Variants in HOOK2 observed in about 807,000 individuals in gnomAD.
HOOK2 encodes the protein protein Hook homolog 2.
A neutral mutation model predicts 111.9 loss-of-function variants in HOOK2; 108 were observed. The observed-to-expected ratio is 0.96, with a 90% CI of 0.83 to 1.13. HOOK2 has a LOEUF of 1.13. HOOK2 is among the 50% of genes most tolerant of loss of function. HOOK2 has a pLI of 0.00. For synonymous variants in HOOK2, 405 were observed against 394.3 expected, an observed-to-expected ratio of 1.03 and a Z score of -0.32; for missense variants, 978 against 951.3, an observed-to-expected ratio of 1.03 and a Z score of -0.37.
At chr19:12,785,588 CAG>C (rs1373122563) in intron 3 of HOOK2, among the ~76,000 whole-genome samples, 2 of 152,210 alleles carry the variant, frequency 1.3e-5, no homozygotes, top group Non-Finnish European at 2.9e-5. Flanking sequence ...CACACACACA[CAG>C]AGTGGAACAG....
rs200777754 is a variant in HOOK2, at chr19:12,767,887, C to T, written c.1232G>A (p.Arg411Gln). The T allele has an allele frequency of 3.0e-4, 475 of 1,609,736 alleles. 7 individuals are homozygous for T. In the South Asian group the frequency reaches 3.7e-3, roughly 12 times the overall value. The change falls in exon 13 of 23, where the codon CGG (arginine) becomes CAG (glutamine). Residue 411 changes from arginine to glutamine, a missense_variant. This residue lies in a region of HOOK2 where 388 missense variants were observed against 358.3 expected (regional missense o/e 1.08). Coordinates refer to ENST00000397668, the MANE Select transcript of HOOK2 (RefSeq NM_013312.3). ...TKEKERLLAE[R>Q]DSLREANEEL... ...CTCATTGGCCTCCCGCAAGGAGTCC[C>T]GCTCCGCCAACAGCCGCTGCAGGGA... is the stretch of plus-strand genomic sequence containing the variant.
intron 7 of HOOK2, 84 bp from the exon 8 acceptor site, chr19:12,771,561 G>C: frequency 8.6e-7 from 1 of 1,159,534 alleles, no homozygotes; most frequent in Non-Finnish European, 1.3e-6. Context: ...AGGCCAAATG[G>C]AGGGGGCCAA....
intron 7 of HOOK2, chr19:12,771,774 C>A: frequency 2.5e-6 from 1 of 394,798 alleles, no homozygotes; most frequent in Non-Finnish European, 4.7e-6. Context: ...CCTGGCTACT[C>A]GGGAGGCTGA....
chr19:12,791,914 G>A lies in HOOK2; in HGVS notation n.42-17689C>T, dbSNP rs202243098. On this transcript the variant is annotated intron_variant and non_coding_transcript_variant, in intron 3 of 3. Coordinates refer to the HOOK2 transcript ENST00000589765. This position sits in a 1 kb window ranked among gnomAD's most constrained non-coding sequence, Gnocchi z 7.0. ...GCGGTCAACCTGGCCGACCCCTACC[G>A]GAGTCTCAAAGCGCCTGGGGCTCGC... 120 of 1,613,030 alleles carry A rather than the reference G, an allele frequency of 7.4e-5. No individual in the cohort carries two copies. Among genetic ancestry groups the A allele is most frequent in the Non-Finnish European group, 9.5e-5 (112 of 1,179,848 alleles).
Position 12,765,945 on chromosome 19 carries a change from C to T in HOOK2, c.1581G>A (p.Gln527=), listed in dbSNP as rs202088559. Residue 527 remains glutamine, a synonymous_variant, in exon 16 of 23, where the codon CAG becomes CAA. Coordinates refer to ENST00000397668, the MANE Select transcript of HOOK2 (RefSeq NM_013312.3). ...CACTCACATCTTCAGTCTTGCCCCC[C>T]TGCTCCTGCAGGGCTTTCTGCAGGT... ...VEDLQKALQE[Q]GGKTEDAISI... is the part of the protein sequence containing the mutation. 2.5e-6 allele frequency: 4 copies of T among 1,614,104 alleles called. No individual in the cohort carries two copies. Among genetic ancestry groups the T allele is most frequent in the Admixed American group, 1.7e-5 (1 of 60,022 alleles).
chr19:12,788,363 G>C (rs1306238750), intron 3 of HOOK2, among the ~76,000 whole-genome samples: 1 of 152,138 alleles, frequency 6.6e-6, no homozygotes, highest in African/African-American at 2.4e-5. Context: ...ACTTAGAAGA[G>C]TGCCTAGCCC....
rs774884747 is a variant in HOOK2, at chr19:12,766,134, G to A, written c.1480C>T (p.Arg494Cys). Residue 494 changes from arginine (R) to cysteine (C), a missense_variant, in exon 15 of 23, where the codon CGC becomes TGC. Transcript: ENST00000397668. ...ELQRHLEDAN[R>C]ARHGLETQHR... ...TGCGTCTCCAACCCGTGGCGCGCGC[G>A]GTTGGCATCCTCCAGGTGGCGCTGC... 3 of 1,601,938 alleles carry A rather than the reference G, an allele frequency of 1.9e-6. No homozygotes were observed. The highest frequency in any genetic ancestry group is 2.2e-5 in the East Asian group (1 of 44,840).
chr19:12,781,296 C>G (rs1968598887), upstream of HOOK2, among the ~76,000 whole-genome samples: 1 of 150,234 alleles, frequency 6.7e-6, no homozygotes, highest in African/African-American at 2.4e-5. Context: ...GAGCAAGACT[C>G]CGTCTAAAAA....
rs369266541 is a variant in HOOK2 at position 12,769,218 on chromosome 19, G to A, written c.1104+663C>T. Among the ~76,000 whole-genome samples, 149 of 151,806 alleles carry A rather than the reference G, an allele frequency of 9.8e-4. 1 individual carries two copies. Among genetic ancestry groups the A allele is most frequent in the African/African-American group, 3.5e-3 (145 of 41,378 alleles). On this transcript the variant is annotated intron_variant, in intron 11 of 22. Transcript: ENST00000397668. The stretch of plus-strand genomic sequence containing the variant: ...CTGACCTCGGGATCCACCCGCCTCG[G>A]CCTCCCAAAGTGCTGGGATTACAGG...
Position 12,773,055 on chromosome 19 carries a change from A to G in HOOK2, c.205-11T>C. Reference sequence around the variant, plus strand: ...CTTCAGATTGCTGACCTAGGGAGGAACAAGGAACTGTGGACAAGTTCAGAG... The same window carrying G: ...CTTCAGATTGCTGACCTAGGGAGGAGCAAGGAACTGTGGACAAGTTCAGAG... On this transcript the variant is annotated splice_polypyrimidine_tract_variant and intron_variant, in intron 3 of 22. Coordinates refer to ENST00000397668, the MANE Select transcript of HOOK2 (RefSeq NM_013312.3). 3 of 1,613,956 alleles carry G rather than the reference A, an allele frequency of 1.9e-6. No homozygotes were observed. Among genetic ancestry groups the G allele is most frequent in the Non-Finnish European group, 2.5e-6 (3 of 1,179,942 alleles).
chr19:12,777,429 G>A (rs903823382), upstream of HOOK2, among the ~76,000 whole-genome samples: 2 of 152,164 alleles, frequency 1.3e-5, no homozygotes, highest in Non-Finnish European at 2.9e-5. Flanking sequence ...GCAGTGAGCC[G>A]TGGTCGCGCC....
At chr19:12,774,924 AAG>A in intron 1 of HOOK2, 27 bp from the exon 2 acceptor site, 1 of 1,601,568 alleles carries the variant, frequency 6.2e-7, no homozygotes, top group South Asian at 1.1e-5. Flanking sequence ...AGGACAAGGA[AAG>A]AGTTAGGGCC....
At chr19:12,772,552 T>G in intron 6 of HOOK2, 61 bp downstream of exon 6, 1 of 1,565,496 alleles carries the variant, frequency 6.4e-7, no homozygotes, top group Non-Finnish European at 8.8e-7. Context: ...CAGTTCTCTC[T>G]GCCCTAGAGA....
At chr19:12,767,161 G>A (rs1367268488) in intron 14 of HOOK2, among the ~76,000 whole-genome samples, 1 of 152,200 alleles carries the variant, frequency 6.6e-6, no homozygotes, top group African/African-American at 2.4e-5. Flanking sequence ...TGCAGGAACT[G>A]GAGCCAGGTG....
upstream of HOOK2, among the ~76,000 whole-genome samples, chr19:12,776,837 G>A (rs558864879): frequency 6.6e-6 from 1 of 151,364 alleles, no homozygotes; most frequent in South Asian, 2.1e-4. Flanking sequence ...GACAGAGCAA[G>A]ACTCTGTCTC....
rs762305355 is a variant in HOOK2 at position 12,764,881 on chromosome 19, T to G, written c.1760A>C (p.Gln587Pro). 6.2e-6 allele frequency: 10 copies of G among 1,614,042 alleles called. No homozygotes were observed. The East Asian group carries it at 2.2e-4, about 36-fold the overall frequency. The change falls in exon 20 of 23, where the codon CAG (glutamine) becomes CCG (proline). Residue 587 changes from glutamine to proline, a missense_variant. By Grantham distance (76) the Gln-to-Pro change is moderately conservative. Around this residue, in one of 5 missense-constraint regions of HOOK2, gnomAD observed 277 missense variants for 265.8 expected, o/e 1.04. Transcript: ENST00000397668. ...GGCCCGCAAGTCCGCGTCCTTCTTC[T>G]GCAAGTTATGCTGCAGCTCCTCGAT... ...RRIEELQHNL[Q>P]KKDADLRAME...
Position 12,772,833 on chromosome 19 carries a change from C to A in HOOK2, c.335G>T (p.Gly112Val), listed in dbSNP as rs894985596. The part of the protein sequence containing the change: ...IGEFSDPAEL[G>V]KLLQLVLGCA... ...GCCCAGCACCAGCTGAAGCAGCTTG[C>A]CGAGCTCTGCCGGGTCTGAGAACTC... Residue 112 changes from glycine to valine, a missense_variant, in exon 5 of 23, where the codon GGC becomes GTC. Physicochemically the swap from Gly to Val is moderately radical, Grantham distance 109. Transcript: ENST00000397668. 2.1e-5 allele frequency: 34 copies of A among 1,614,090 alleles called. No homozygotes were observed. The Admixed American group carries it at 5.2e-4, about 25-fold the overall frequency.
In HOOK2 at chr19:12,771,405, C is replaced by T. The variant is rs758904753; in HGVS notation, c.592G>A (p.Glu198Lys). 1.1e-5 allele frequency: 17 copies of T among 1,613,514 alleles called. No individual in the cohort carries two copies. Among genetic ancestry groups the T allele is most frequent in the Non-Finnish European group, 1.4e-5 (17 of 1,179,842 alleles). ...CCCACCTAGGGCCCTACCTGCCGCT[C>T]CAGATCCAGACAGCGCTGCTGTAAT... ...DELQQRCLDLERQLMLLSEEK... is the reference protein window; with the variant it reads ...DELQQRCLDLKRQLMLLSEEK... Residue 198 changes from glutamate (E) to lysine (K), a missense_variant, in exon 8 of 23, where the codon GAG becomes AAG. Transcript: ENST00000397668.
intron 18 of HOOK2, chr19:12,765,307 C>T: frequency 1.7e-6 from 1 of 602,750 alleles, no homozygotes; most frequent in Non-Finnish European, 2.9e-6. Flanking sequence ...CGGAACAGCC[C>T]CTGCTGTCCA....
Sources: allele counts gnomAD v4.1 joint callset (sites outside exome capture counted in the v4.1 genomes callset), GRCh38; gene constraint gnomAD v4.1.1; regional missense constraint gnomAD v4.1.1; non-coding constraint Gnocchi (gnomAD v3.1); transcripts MANE v1.5; gene names NCBI Gene and HGNC (gene_info 2026-07-23, HGNC 2026-07-21).